The following SLC12A4 variants were observed in gnomAD, a reference collection of about 807,000 sequenced individuals.
SLC12A4 encodes the protein solute carrier family 12 member 4.
A neutral mutation model predicts 119.2 loss-of-function variants in SLC12A4; 84 were observed. That is an observed-to-expected ratio of 0.70 (90% confidence interval 0.59 to 0.85). The LOEUF (loss-of-function observed/expected upper bound fraction) is 0.85. Ranked by LOEUF, SLC12A4 falls within the 40% of genes least tolerant of loss-of-function variation. SLC12A4 has a pLI of 0.00. For synonymous variants in SLC12A4, 599 were observed against 604.6 expected (o/e 0.99, Z 0.14); for missense variants, 1,298 against 1,476.3 (o/e 0.88, Z 1.98).
At chr16:67,947,157 A>G (rs1222905284) in intron 16 of SLC12A4, 52 bp from the exon 17 acceptor site, 25 of 1,537,714 alleles carry the variant, frequency 1.6e-5, no homozygotes, top group Non-Finnish European at 2.1e-5. Flanking sequence ...CGTTCTAGGG[A>G]GCCCCTCCTC....
intron 5 of SLC12A4, 91 bp from the exon 6 acceptor site, chr16:67,954,864 G>C: frequency 6.6e-7 from 1 of 1,506,830 alleles, no homozygotes; most frequent in African/African-American, 1.4e-5. Context: ...CACCCAGAGG[G>C]ACAGGGACTG....
In SLC12A4 at chr16:67,961,622, G is replaced by A. The variant is rs2030577936; in HGVS notation, c.295C>T (p.His99Tyr). The change falls in exon 3 of 24, where the codon CAT (histidine) becomes TAT (tyrosine). Residue 99 changes from histidine (H) to tyrosine (Y), a missense_variant. His to Tyr is a moderately conservative substitution (Grantham distance 83). Transcript: ENST00000316341. ...CCCTCCCCACTCTCGGCCTCCTCAT[G>A]CTCTTTGGCGCCCTGGGTGAGGTTG... ...YTNLTQGAKE[H>Y]EEAESGEGTR... 2 of 1,613,970 alleles carry A rather than the reference G, an allele frequency of 1.2e-6. No individual in the cohort carries two copies. The highest frequency in any genetic ancestry group is 1.7e-5 in the Admixed American group (1 of 60,000).
In SLC12A4 at chr16:67,952,327, G is replaced by A. The variant is rs749124525; in HGVS notation, c.774C>T (p.Phe258=). ...LNNMRVYGTI[F]LTFMTLVVFV... ...ACACCACCAGGGTCATGAAGGTCAG[G>A]AAAATGGTCCCATACACACGCATAT... is the stretch of plus-strand genomic sequence containing the variant. The change falls in exon 7 of 24, where the codon TTC becomes TTT. Residue 258 remains phenylalanine (F), a synonymous_variant. Coordinates refer to ENST00000316341, the MANE Select transcript of SLC12A4 (RefSeq NM_005072.5). 78 of 1,614,070 alleles carry A rather than the reference G, an allele frequency of 4.8e-5. 1 individual carries two copies. In the South Asian group the frequency reaches 8.2e-4, roughly 17 times the overall value.
At chr16:67,968,411 GC>G in intron 1 of SLC12A4, 27 bp downstream of exon 1, 1 of 1,542,742 alleles carries the variant, frequency 6.5e-7, no homozygotes. Context: ...CCGCTGCCCC[GC>G]CACGGCCCCT....
intron 2 of SLC12A4, 40 bp downstream of exon 2, chr16:67,963,425 T>C (rs1345938806): frequency 7.0e-7 from 1 of 1,426,216 alleles, no homozygotes; most frequent in East Asian, 2.5e-5. Flanking sequence ...CTAAAGCCTC[T>C]GTGTGCCAAA....
At chr16:67,960,064 G>A (rs2030482029) in intron 3 of SLC12A4, among the ~76,000 whole-genome samples, 1 of 152,224 alleles carries the variant, frequency 6.6e-6, no homozygotes, top group African/African-American at 2.4e-5. Context: ...CTTACCCTGT[G>A]GCCAGGTAAG....
At chr16:67,968,364 G>A (rs1667746152) in intron 1 of SLC12A4, 75 bp downstream of exon 1, 1 of 1,348,306 alleles carries the variant, frequency 7.4e-7, no homozygotes, top group Non-Finnish European at 9.9e-7. Context: ...GATAGGTGCG[G>A]GCGCGGGCCC....
chr16:67,951,755 A>AGCTCTGT lies in SLC12A4; in HGVS notation c.1132+61_1132+67dup, dbSNP rs2029918120. ...GTTCCCAAGCTGGCCACACAAGGAC[A>AGCTCTGT]GCTCTGTGCTCTGTGCCCCTGCTCA... is the stretch of plus-strand genomic sequence containing the variant. On this transcript the variant is annotated intron_variant, in intron 8 of 23. Coordinates refer to ENST00000316341, the MANE Select transcript of SLC12A4 (RefSeq NM_005072.5). The surrounding 1 kb of genome is among the most constrained non-coding windows in gnomAD (Gnocchi z 5.2). 4 of 1,382,304 alleles carry AGCTCTGT rather than the reference A, an allele frequency of 2.9e-6. No individual in the cohort carries two copies. The highest frequency in any genetic ancestry group is 4.0e-5 in the Admixed American group (2 of 49,996). 85.6% of individuals were successfully genotyped at this position (1,382,304 alleles called of 1,614,324 possible). A position where few individuals can be genotyped will look rare whatever the true frequency, so the allele number is the denominator to read the frequency against.
intron 5 of SLC12A4, among the ~76,000 whole-genome samples, chr16:67,955,964 G>T (rs183188099): frequency 5.5e-4 from 84 of 152,000 alleles, no homozygotes; most frequent in Non-Finnish European, 7.8e-4. Flanking sequence ...ATGACTTGAG[G>T]TCAGGAGTTT....
rs58806395 is a variant in SLC12A4 at position 67,957,330 on chromosome 16, C to T, written c.544+412G>A. Among the ~76,000 whole-genome samples the T allele has an allele frequency of 3.9e-5, 6 of 152,070 alleles. No individual in the cohort carries two copies. In the East Asian group the frequency reaches 7.8e-4, roughly 20 times the overall value. On this transcript the variant is annotated intron_variant, in intron 5 of 23. Transcript: ENST00000316341. ...GACTACAGGCGCCCGCCACCACGCC[C>T]GGCTAATTTTTTGTATTTCTAGTAG...
At chr16:67,957,508 T>A in intron 5 of SLC12A4, 1 of 570,450 alleles carries the variant, frequency 1.8e-6, no homozygotes, top group South Asian at 2.1e-5. Context: ...TAAACATACA[T>A]TGCCCTTTTT....
Position 67,951,217 on chromosome 16 carries a change from C to A in SLC12A4, c.1220G>T (p.Ser407Ile). Residue 407 changes from serine (S) to isoleucine (I), a missense_variant, in exon 9 of 24, where the codon AGC becomes ATC. Ser to Ile is a moderately radical substitution (Grantham distance 142). Transcript: ENST00000316341. The surrounding 1 kb of genome is among the most constrained non-coding windows in gnomAD (Gnocchi z 5.2). ...GTCAGCGACCACGTACAGAGGCAGGCTCTCCTTCAGGCTCGGGGCATCTGC... is the reference window on the plus strand; with the variant it reads ...GTCAGCGACCACGTACAGAGGCAGGATCTCCTTCAGGCTCGGGGCATCTGC... The part of the protein sequence containing the change: ...PSADAPSLKE[S>I]LPLYVVADIA... The A allele has an allele frequency of 6.2e-7, 1 of 1,614,130 alleles. No homozygotes were observed. The highest frequency in any genetic ancestry group is 8.5e-7 in the Non-Finnish European group (1 of 1,179,994).
At position 67,950,735 on chromosome 16, in the gene SLC12A4, C is replaced by A. The variant is rs200408868; in HGVS notation, c.1397-24G>T. ...GTCTGCGGCGGCGTCAAGGAAAACT[C>A]GGCCTCTGCCACCCCACTGTCCCTG... On this transcript the variant is annotated intron_variant, in intron 10 of 23. Coordinates refer to ENST00000316341, the MANE Select transcript of SLC12A4 (RefSeq NM_005072.5). This position sits in a 1 kb window ranked among gnomAD's most constrained non-coding sequence, Gnocchi z 4.3. 6.3e-7 allele frequency: 1 copy of A among 1,591,772 alleles called. No individual in the cohort carries two copies. The highest frequency in any genetic ancestry group is 8.5e-7 in the Non-Finnish European group (1 of 1,169,794).
At chr16:67,947,880 G>T (rs1380591218) in intron 14 of SLC12A4, 92 bp from the exon 15 acceptor site, 3 of 1,521,262 alleles carry the variant, frequency 2.0e-6, no homozygotes, top group Non-Finnish European at 2.7e-6. Flanking sequence ...TCAGGTCCCG[G>T]GTGGGAGGTC....
intron 3 of SLC12A4, among the ~76,000 whole-genome samples, chr16:67,961,314 A>C (rs2151337142): frequency 6.6e-6 from 1 of 152,294 alleles, no homozygotes; most frequent in South Asian, 2.1e-4. Context: ...CCTCGCACAC[A>C]GTAAAGGCTG....
chr16:67,946,634 C>T lies in SLC12A4; in HGVS notation c.2242-1G>A. The T allele has an allele frequency of 6.2e-7, 1 of 1,608,366 alleles. No individual in the cohort carries two copies. The highest frequency in any genetic ancestry group is 8.5e-7 in the Non-Finnish European group (1 of 1,176,238). On this transcript the variant is annotated splice_acceptor_variant, in intron 17 of 23. Transcript: ENST00000316341. LOFTEE classifies it high-confidence loss of function. ...CAATTTCCATCATGTTCTTGATGGT[C>T]TGTGGGGAACACACCCAGGGCCAAT...
chr16:67,967,546 C>A (rs1274908045), intron 1 of SLC12A4, among the ~76,000 whole-genome samples: 1 of 152,184 alleles, frequency 6.6e-6, no homozygotes, highest in Non-Finnish European at 1.5e-5. Flanking sequence ...CGTGTTCGTG[C>A]TCCGAGGGTG....
At chr16:67,960,404 G>T (rs375583591) in intron 3 of SLC12A4, among the ~76,000 whole-genome samples, 1 of 152,094 alleles carries the variant, frequency 6.6e-6, no homozygotes, top group Non-Finnish European at 1.5e-5. Context: ...AGGTCTGTGC[G>T]ACCTCAAGGT....
rs1026114307 is a variant in SLC12A4 at position 67,950,377 on chromosome 16, G to C, written c.1571C>G (p.Thr524Arg). The C allele has an allele frequency of 6.2e-7, 1 of 1,614,048 alleles. No individual in the cohort carries two copies. The highest frequency in any genetic ancestry group is 1.7e-5 in the Admixed American group (1 of 60,026). The change falls in exon 12 of 24, where the codon ACA (threonine) becomes AGA (arginine). Residue 524 changes from threonine to arginine, a missense_variant. Thr to Arg is a moderately conservative substitution (Grantham distance 71, BLOSUM62 -1). Transcript: ENST00000316341. This position sits in a 1 kb window ranked among gnomAD's most constrained non-coding sequence, Gnocchi z 4.3. ...GGCCTGCAATAGGCGTGGTGCCCCTGTGAGGCTCTGGAGGCCAGCGCCACA... is the reference window on the plus strand; with the variant it reads ...GGCCTGCAATAGGCGTGGTGCCCCTCTGAGGCTCTGGAGGCCAGCGCCACA... ...STCGAGLQSLTGAPRLLQAIA... is the reference protein window; with the variant it reads ...STCGAGLQSLRGAPRLLQAIA...
Sources: allele counts gnomAD v4.1 joint callset (sites outside exome capture counted in the v4.1 genomes callset), GRCh38; gene constraint gnomAD v4.1.1; non-coding constraint Gnocchi (gnomAD v3.1); transcripts MANE v1.5; gene names NCBI Gene and HGNC (gene_info 2026-07-23, HGNC 2026-07-21).